The following EXOC6B variants were observed in gnomAD, a reference collection of about 807,000 sequenced individuals.
EXOC6B encodes the protein SEC15 homolog B.
A neutral mutation model predicts 113.5 loss-of-function variants in EXOC6B; 54 were observed. The observed-to-expected ratio is 0.48, with a 90% CI of 0.38 to 0.60. The LOEUF is 0.60. EXOC6B is among the 20% of genes least tolerant of loss of function. The probability of loss-of-function intolerance (pLI) is 0.00; values close to 1 mark genes in which losing one functional copy is unlikely to be tolerated. For synonymous variants in EXOC6B, 357 were observed against 339.0 expected, an observed-to-expected ratio of 1.05 and a Z score of -0.58; for missense variants, 797 against 977.5, an observed-to-expected ratio of 0.82 and a Z score of 2.46.
intron 18 of EXOC6B, among the ~76,000 whole-genome samples, chr2:72,460,800 T>C (rs183061485): frequency 0.16 from 23,646 of 151,260 alleles, 2,586 homozygotes; most frequent in African/African-American, 0.31. Context: ...GTCAGTGTGG[T>C]GATTCCTCAG....
intron 20 of EXOC6B, among the ~76,000 whole-genome samples, chr2:72,187,135 A>G (rs1678492280): frequency 6.6e-6 from 1 of 152,102 alleles, no homozygotes. Flanking sequence ...ATGCAGCTGG[A>G]CCAGGTGCAC....
At chr2:72,528,809 A>G (rs1471615098) in intron 8 of EXOC6B, among the ~76,000 whole-genome samples, 1 of 152,092 alleles carries the variant, frequency 6.6e-6, no homozygotes, top group Non-Finnish European at 1.5e-5. Flanking sequence ...ATAATATTAT[A>G]TTTTAAATTT....
At chr2:72,240,790 T>C (rs1682266542) in intron 20 of EXOC6B, among the ~76,000 whole-genome samples, 1 of 152,236 alleles carries the variant, frequency 6.6e-6, no homozygotes, top group Non-Finnish European at 1.5e-5. Context: ...CTAGTTTCTA[T>C]TCTAGCATAT....
chr2:72,273,454 A>C (rs1162964471), intron 20 of EXOC6B, among the ~76,000 whole-genome samples: 1 of 152,164 alleles, frequency 6.6e-6, no homozygotes, highest in Non-Finnish European at 1.5e-5. Context: ...GCAAATAAAC[A>C]CAGTATAGTA....
intron 6 of EXOC6B, among the ~76,000 whole-genome samples, chr2:72,633,975 T>TA (rs1672656370): frequency 6.6e-6 from 1 of 151,412 alleles, no homozygotes; most frequent in Non-Finnish European, 1.5e-5. Flanking sequence ...ATATTTAAGG[T>TA]AAAATCTTTA....
chr2:72,273,297 C>T lies in EXOC6B; in HGVS notation c.2196+61650G>A, dbSNP rs116820971. 5.6e-3 allele frequency among the ~76,000 whole-genome samples: 855 copies of T among 152,176 alleles called. 10 individuals carry two copies. The highest frequency in any genetic ancestry group is 0.02 in the African/African-American group (813 of 41,534). ...ATTCTATTTTTTAAAAAGATGTTTACTTATTTGTTTGTTCATTCATTCATT... is the reference window on the plus strand; with the variant it reads ...ATTCTATTTTTTAAAAAGATGTTTATTTATTTGTTTGTTCATTCATTCATT... On this transcript the variant is annotated intron_variant, in intron 20 of 21. Coordinates refer to ENST00000272427, the MANE Select transcript of EXOC6B (RefSeq NM_015189.3).
intron 19 of EXOC6B, among the ~76,000 whole-genome samples, chr2:72,376,848 A>T (rs1407847013): frequency 6.6e-6 from 1 of 151,650 alleles, no homozygotes; most frequent in African/African-American, 2.4e-5. Context: ...AGAGCGTGGA[A>T]TTGTTTTTTT....
chr2:72,176,421 G>A lies in EXOC6B; in HGVS notation c.*2914C>T, dbSNP rs1456256031. ...ATGAGGAAGGTCATGGCCAAAGCCAGTCTTGGGAGATAAAAGGCCGTGGGT... is the reference window on the plus strand; with the variant it reads ...ATGAGGAAGGTCATGGCCAAAGCCAATCTTGGGAGATAAAAGGCCGTGGGT... On this transcript the variant is annotated 3_prime_UTR_variant, in exon 22 of 22. Coordinates refer to ENST00000272427, the MANE Select transcript of EXOC6B (RefSeq NM_015189.3). 6.6e-6 allele frequency: 1 copy of A among 152,322 alleles called. No homozygotes were observed. 9.4% of individuals were successfully genotyped at this position (152,322 alleles called of 1,614,324 possible).
At chr2:72,800,442 T>C (rs1573818211) in intron 1 of EXOC6B, among the ~76,000 whole-genome samples, 1 of 152,176 alleles carries the variant, frequency 6.6e-6, no homozygotes, top group Non-Finnish European at 1.5e-5. Flanking sequence ...AAAATCAAAA[T>C]ACCTGTTGTT....
intron 8 of EXOC6B, among the ~76,000 whole-genome samples, chr2:72,549,716 T>C (rs1327107409): frequency 6.6e-6 from 1 of 152,122 alleles, no homozygotes; most frequent in African/African-American, 2.4e-5. Flanking sequence ...TTGGAAGTCA[T>C]TAGGGTTCCA....
chr2:72,814,945 C>A (rs953341809), intron 1 of EXOC6B, among the ~76,000 whole-genome samples: 3 of 152,108 alleles, frequency 2.0e-5, no homozygotes, highest in Non-Finnish European at 2.9e-5. Context: ...GAACCGAGAT[C>A]GTGCCACTGC....
At chr2:72,634,103 AAAG>A (rs1672668194) in intron 6 of EXOC6B, among the ~76,000 whole-genome samples, 1 of 152,170 alleles carries the variant, frequency 6.6e-6, no homozygotes, top group African/African-American at 2.4e-5. Flanking sequence ...AGAAAGAAGA[AAAG>A]AAGAAGGCAG....
chr2:72,279,449 C>T (rs576014886), intron 20 of EXOC6B, among the ~76,000 whole-genome samples: 1 of 152,166 alleles, frequency 6.6e-6, no homozygotes, highest in South Asian at 2.1e-4. Context: ...TGTATAAGGG[C>T]CCAAATATTA....
intron 1 of EXOC6B, among the ~76,000 whole-genome samples, chr2:72,749,168 G>A (rs998215020): frequency 6.6e-6 from 1 of 151,998 alleles, no homozygotes; most frequent in East Asian, 1.9e-4. Flanking sequence ...TATAAGATAA[G>A]ATATAAAAAA....
chr2:72,269,874 AG>A (rs1266863535), intron 20 of EXOC6B, among the ~76,000 whole-genome samples: 1 of 152,188 alleles, frequency 6.6e-6, no homozygotes, highest in Non-Finnish European at 1.5e-5. Flanking sequence ...AAAAAATAAA[AG>A]GGTTGAGGAA....
chr2:72,677,057 T>G (rs538195456), intron 6 of EXOC6B, among the ~76,000 whole-genome samples: 10 of 152,320 alleles, frequency 6.6e-5, no homozygotes, highest in Admixed American at 6.5e-4. Flanking sequence ...ATTCTCATCA[T>G]AAATAAATTC....
chr2:72,747,294 T>C (rs1681764405), intron 1 of EXOC6B, among the ~76,000 whole-genome samples: 1 of 152,048 alleles, frequency 6.6e-6, no homozygotes, highest in South Asian at 2.1e-4. Context: ...ATCTCACCAA[T>C]GAGAAGGAAA....
At chr2:72,235,867 C>T (rs1015587314) in intron 20 of EXOC6B, among the ~76,000 whole-genome samples, 18 of 152,152 alleles carry the variant, frequency 1.2e-4, no homozygotes, top group African/African-American at 3.4e-4. Context: ...ATTTATAATA[C>T]GCCACTTTGC....
chr2:72,338,626 G>A (rs114703600), intron 19 of EXOC6B, among the ~76,000 whole-genome samples: 1 of 151,956 alleles, frequency 6.6e-6, no homozygotes, highest in East Asian at 1.9e-4. Flanking sequence ...AGTATGCCCT[G>A]GGAAACATGA....
Sources: allele counts gnomAD v4.1 joint callset (sites outside exome capture counted in the v4.1 genomes callset), GRCh38; gene constraint gnomAD v4.1.1; transcripts MANE v1.5; gene names NCBI Gene and HGNC (gene_info 2026-07-23, HGNC 2026-07-21).